Variants in FBXL7 observed in about 807,000 individuals in gnomAD.
The protein encoded by FBXL7 is F-box and leucine rich repeat protein 7.
Under a neutral mutation model 38.3 loss-of-function variants are expected in FBXL7, and 12 were observed. The ratio of observed to expected loss-of-function variants is 0.31; its 90% CI spans 0.20 to 0.51. The LOEUF is 0.51. Among genes scored for constraint, FBXL7 ranks in the 20% least tolerant of loss-of-function variants. The pLI is 0.98. For synonymous variants in FBXL7, 297 were observed against 300.9 expected, an observed-to-expected ratio of 0.99 and a Z score of 0.13; for missense variants, 567 against 676.4, an observed-to-expected ratio of 0.84 and a Z score of 1.79.
chr5:15,801,086 G>A (rs1243050437), intron 2 of FBXL7, among the ~76,000 whole-genome samples: 1 of 152,128 alleles, frequency 6.6e-6, no homozygotes, highest in African/African-American at 2.4e-5. Flanking sequence ...TTTGCTCTTA[G>A]GATGTTCAAC....
At chr5:15,690,813 A>G in intron 2 of FBXL7, among the ~76,000 whole-genome samples, 1 of 152,120 alleles carries the variant, frequency 6.6e-6, no homozygotes, top group East Asian at 1.9e-4. Context: ...GAGGATGGGG[A>G]CAGATTGGTA....
Position 15,851,577 on chromosome 5 carries a change from C to T in FBXL7, c.128-76313C>T, listed in dbSNP as rs568424640. Among the ~76,000 whole-genome samples, 17 of 152,242 alleles carry T rather than the reference C, an allele frequency of 1.1e-4. No individual in the cohort carries two copies. The South Asian group carries it at 3.1e-3, about 28-fold the overall frequency. On this transcript the variant is annotated intron_variant, in intron 2 of 3. Coordinates refer to ENST00000504595, the MANE Select transcript of FBXL7 (RefSeq NM_012304.5). ...TCTGCCCGTGAGTGGGGGTTGTAGT[C>T]ACCCTGAGTCTCTTAGCATAAAGTA...
rs76838858 is a variant in FBXL7, at chr5:15,676,448, G to T, written c.127+60376G>T. Among the ~76,000 whole-genome samples the T allele has an allele frequency of 2.2e-3, 337 of 152,286 alleles. 2 individuals are homozygous for T. The highest frequency in any genetic ancestry group is 7.5e-3 in the African/African-American group (311 of 41,558). The stretch of plus-strand genomic sequence containing the variant: ...TGTAATTTGAGAAGCAGAAAATATG[G>T]TTATGCCTTTCAAAAACATCTGCAA... On this transcript the variant is annotated intron_variant, in intron 2 of 3. Coordinates refer to ENST00000504595, the MANE Select transcript of FBXL7 (RefSeq NM_012304.5).
intron 2 of FBXL7, among the ~76,000 whole-genome samples, chr5:15,703,659 A>G (rs897356130): frequency 6.6e-6 from 1 of 152,230 alleles, no homozygotes; most frequent in African/African-American, 2.4e-5. Flanking sequence ...TAGGAATTTC[A>G]TGAAGTCAGA....
At chr5:15,515,823 C>T (rs955032626) in intron 1 of FBXL7, among the ~76,000 whole-genome samples, 10 of 152,130 alleles carry the variant, frequency 6.6e-5, no homozygotes, top group Non-Finnish European at 7.3e-5. Context: ...AATATGTACT[C>T]ATGATTATAC....
chr5:15,827,855 A>G (rs1456579656), intron 2 of FBXL7, among the ~76,000 whole-genome samples: 1 of 152,254 alleles, frequency 6.6e-6, no homozygotes, highest in Non-Finnish European at 1.5e-5. Context: ...TTAAAATTCA[A>G]TATCCTTATG....
chr5:15,937,553 C>A lies in FBXL7; in HGVS notation c.*367C>A, dbSNP rs1289693421. The A allele has an allele frequency of 2.0e-4, 37 of 183,240 alleles. No homozygotes were observed. In the East Asian group the frequency reaches 2.9e-3, roughly 14 times the overall value. 11.4% of individuals were successfully genotyped at this position (183,240 alleles called of 1,614,324 possible). On this transcript the variant is annotated 3_prime_UTR_variant, in exon 4 of 4. Coordinates refer to ENST00000504595, the MANE Select transcript of FBXL7 (RefSeq NM_012304.5). The stretch of plus-strand genomic sequence containing the variant: ...CCACCCCCACAGTTCCACGCCCCCC[C>A]CCCAAGGCCACACCCTCCCTCCCTA...
intron 1 of FBXL7, among the ~76,000 whole-genome samples, chr5:15,614,186 C>A (rs2126515926): frequency 6.6e-6 from 1 of 152,226 alleles, no homozygotes; most frequent in South Asian, 2.1e-4. Flanking sequence ...GAGTTTTGAT[C>A]ATCACTTGTG....
At chr5:15,776,873 A>G (rs1165612389) in intron 2 of FBXL7, among the ~76,000 whole-genome samples, 3 of 152,094 alleles carry the variant, frequency 2.0e-5, no homozygotes, top group Admixed American at 6.6e-5. Context: ...TTAGCCATCA[A>G]TTGGGAGTTT....
At chr5:15,781,302 A>T (rs1736984087) in intron 2 of FBXL7, among the ~76,000 whole-genome samples, 1 of 152,180 alleles carries the variant, frequency 6.6e-6, no homozygotes, top group African/African-American at 2.4e-5. Flanking sequence ...AGTAAGAAGC[A>T]GTCATGGTAC....
At chr5:15,818,912 CTA>C (rs1738095090) in intron 2 of FBXL7, among the ~76,000 whole-genome samples, 1 of 152,056 alleles carries the variant, frequency 6.6e-6, no homozygotes, top group Non-Finnish European at 1.5e-5. Context: ...CTCCTAAATA[CTA>C]AACTCCATTA....
At chr5:15,777,013 T>C (rs1000121778) in intron 2 of FBXL7, among the ~76,000 whole-genome samples, 10 of 152,124 alleles carry the variant, frequency 6.6e-5, no homozygotes, top group African/African-American at 9.7e-5. Flanking sequence ...AAGCTCAATA[T>C]GCACACATAA....
intron 2 of FBXL7, among the ~76,000 whole-genome samples, chr5:15,882,731 A>G (rs999604963): frequency 9.8e-5 from 15 of 152,298 alleles, no homozygotes; most frequent in African/African-American, 2.4e-4. Context: ...AAACCATACC[A>G]TATGGGCACA....
intron 1 of FBXL7, among the ~76,000 whole-genome samples, chr5:15,517,708 G>A (rs893048648): frequency 1.3e-5 from 2 of 152,204 alleles, no homozygotes; most frequent in Non-Finnish European, 2.9e-5. Context: ...TGAAGAGGCA[G>A]GTGGATTACA....
chr5:15,565,901 A>G lies in FBXL7; in HGVS notation c.38-50082A>G, dbSNP rs187314000. ...GAGGACAATCTACTTTACTCAGTCTACTGATTCAAATGTGAATCTTATCCA... is the reference window on the plus strand; with the variant it reads ...GAGGACAATCTACTTTACTCAGTCTGCTGATTCAAATGTGAATCTTATCCA... On this transcript the variant is annotated intron_variant, in intron 1 of 3. Coordinates refer to ENST00000504595, the MANE Select transcript of FBXL7 (RefSeq NM_012304.5). Among the ~76,000 whole-genome samples, 189 of 152,266 alleles carry G rather than the reference A, an allele frequency of 1.2e-3. 2 individuals are homozygous for G. The highest frequency in any genetic ancestry group is 9.5e-3 in the South Asian group (46 of 4,826).
At chr5:15,614,426 T>C (rs947490744) in intron 1 of FBXL7, among the ~76,000 whole-genome samples, 1 of 152,062 alleles carries the variant, frequency 6.6e-6, no homozygotes, top group African/African-American at 2.4e-5. Context: ...TGTGCCACCA[T>C]GCCTGGCTAA....
At chr5:15,717,519 G>A (rs1744077228) in intron 2 of FBXL7, among the ~76,000 whole-genome samples, 1 of 152,240 alleles carries the variant, frequency 6.6e-6, no homozygotes, top group South Asian at 2.1e-4. Flanking sequence ...ATATTCTGAT[G>A]CCCATAGGTA....
At chr5:15,697,107 T>A (rs1290455687) in intron 2 of FBXL7, among the ~76,000 whole-genome samples, 1 of 152,150 alleles carries the variant, frequency 6.6e-6, no homozygotes, top group Non-Finnish European at 1.5e-5. Context: ...TATGGGAAGT[T>A]CTGATATTTG....
At chr5:15,898,757 G>A (rs879328931) in intron 2 of FBXL7, among the ~76,000 whole-genome samples, 3 of 152,202 alleles carry the variant, frequency 2.0e-5, no homozygotes, top group Non-Finnish European at 4.4e-5. Flanking sequence ...AAAAACGGCA[G>A]CTCAGAGCTG....
Sources: gnomAD v4.1 joint callset for allele counts (sites outside exome capture counted in the v4.1 genomes callset) on GRCh38, gnomAD v4.1.1 for gene constraint, MANE v1.5 for transcripts, NCBI Gene and HGNC (gene_info 2026-07-23, HGNC 2026-07-21) for gene names.